Variants in TBCK observed in about 807,000 individuals in gnomAD.
The protein encoded by TBCK is TBC domain-containing protein kinase-like protein.
Under a neutral mutation model 113.4 loss-of-function variants are expected in TBCK, and 99 were observed. The ratio of observed to expected loss-of-function variants is 0.87; its 90% CI spans 0.74 to 1.03. TBCK has a LOEUF of 1.03. TBCK is among the 50% of genes least tolerant of loss of function. The probability of loss-of-function intolerance (pLI) is 0.00; values close to 1 mark genes in which losing one functional copy is unlikely to be tolerated. For synonymous variants in TBCK, 369 were observed against 370.8 expected (o/e 1.00, Z 0.05); for missense variants, 1,045 against 1,061.3 (o/e 0.98, Z 0.21).
At chr4:106,238,567 C>G (rs541168281) in intron 12 of TBCK, 8 of 152,146 alleles carry the variant, frequency 5.3e-5, no homozygotes, top group African/African-American at 1.9e-4. Context: ...AGGGGAATTG[C>G]TGGCTTAGAC....
In TBCK at chr4:106,314,081, TA is replaced by T. The variant is rs533266166; in HGVS notation, c.-30+1849del. ...TAAAGCCATAATACTGTAAACATTT[TA>T]TTTTTTTTATTGGTTTTTGGCACGT... On this transcript the variant is annotated intron_variant, in intron 1 of 25. Coordinates refer to ENST00000394708, the MANE Select transcript of TBCK (RefSeq NM_001163435.3). Among the ~76,000 whole-genome samples the T allele has an allele frequency of 4.5e-4, 69 of 152,288 alleles. No homozygotes were observed. The South Asian group carries it at 0.013, about 28-fold the overall frequency.
At chr4:106,218,293 C>T (rs1406887150) in intron 19 of TBCK, among the ~76,000 whole-genome samples, 3 of 150,910 alleles carry the variant, frequency 2.0e-5, no homozygotes, top group Non-Finnish European at 3.0e-5. Flanking sequence ...CAATACCATT[C>T]AGGACATACG....
In TBCK at chr4:106,314,753, T is replaced by C. The variant is rs1468369463; in HGVS notation, c.-30+1178A>G. On this transcript the variant is annotated intron_variant, in intron 1 of 25. Transcript: ENST00000394708. Reference sequence around the variant, plus strand: ...CGATTCTGTGCCTCAGCCTCCAGAGTGGCTGGGATTACAGGCGCCCGCCAC... The same window carrying C: ...CGATTCTGTGCCTCAGCCTCCAGAGCGGCTGGGATTACAGGCGCCCGCCAC... Among the ~76,000 whole-genome samples, 3 of 149,900 alleles carry C rather than the reference T, an allele frequency of 2.0e-5. No homozygotes were observed. The Admixed American group carries it at 2.0e-4, about 10-fold the overall frequency.
chr4:106,184,175 T>A (rs1176511138), intron 22 of TBCK, among the ~76,000 whole-genome samples: 1 of 152,040 alleles, frequency 6.6e-6, no homozygotes. Flanking sequence ...CTTCTAAATC[T>A]AGCTGCCCCG....
intron 19 of TBCK, among the ~76,000 whole-genome samples, chr4:106,228,254 C>A (rs901768088): frequency 6.6e-6 from 1 of 151,654 alleles, no homozygotes; most frequent in African/African-American, 2.4e-5. Context: ...TATATACTTA[C>A]TTATTTTAAA....
At chr4:106,186,902 G>T (rs1439494541) in intron 22 of TBCK, among the ~76,000 whole-genome samples, 1 of 152,046 alleles carries the variant, frequency 6.6e-6, no homozygotes, top group African/African-American at 2.4e-5. Context: ...TCCCTCTCGA[G>T]TTAATCTTCA....
intron 12 of TBCK, 61 bp from the exon 13 acceptor site, chr4:106,236,869 G>T: frequency 1.1e-6 from 1 of 943,006 alleles, no homozygotes; most frequent in African/African-American, 1.7e-5. Flanking sequence ...CCTGATCTGT[G>T]TTTAAAAAGA....
At chr4:106,052,095 T>G (rs768782002) in intron 25 of TBCK, among the ~76,000 whole-genome samples, 3 of 151,888 alleles carry the variant, frequency 2.0e-5, no homozygotes, top group Non-Finnish European at 4.4e-5. Flanking sequence ...TTTAACTCAT[T>G]GAAGTTTATT....
rs1047969806 is a variant in TBCK at position 106,236,757 on chromosome 4, A to C, written c.1220+2T>G. 1.4e-6 allele frequency: 2 copies of C among 1,481,106 alleles called. No individual in the cohort carries two copies. The highest frequency in any genetic ancestry group is 1.8e-6 in the Non-Finnish European group (2 of 1,104,590). 91.7% of individuals were successfully genotyped at this position (1,481,106 alleles called of 1,614,324 possible). A position where few individuals can be genotyped will look rare whatever the true frequency, so the allele number is the denominator to read the frequency against. ...ATCTAAAATGAGACTACATATACTC[A>C]CTCATCTTCAAGTAATGGGTAAAAT... On this transcript the variant is annotated splice_donor_variant, in intron 13 of 25. Transcript: ENST00000394708. LOFTEE classifies it high-confidence loss of function.
chr4:106,147,184 T>C (rs1747898976), intron 23 of TBCK, among the ~76,000 whole-genome samples: 1 of 152,328 alleles, frequency 6.6e-6, no homozygotes, highest in East Asian at 1.9e-4. Flanking sequence ...TGGAATCAAC[T>C]TCTTACAAAC....
intron 22 of TBCK, among the ~76,000 whole-genome samples, chr4:106,189,252 C>T (rs1403847178): frequency 6.7e-6 from 1 of 148,898 alleles, no homozygotes; most frequent in Non-Finnish European, 1.5e-5. Context: ...TGTCCTTTTG[C>T]AATTCCAAGG....
intron 23 of TBCK, among the ~76,000 whole-genome samples, chr4:106,125,252 A>C (rs541338532): frequency 6.6e-6 from 1 of 152,202 alleles, no homozygotes; most frequent in Admixed American, 6.5e-5. Context: ...GGAAATGAGG[A>C]TATCGAAGAA....
chr4:106,085,358 T>C (rs190877608), intron 25 of TBCK, among the ~76,000 whole-genome samples: 12 of 152,060 alleles, frequency 7.9e-5, no homozygotes, highest in Non-Finnish European at 1.3e-4. Context: ...ACAAAGATCA[T>C]AAAAGACAAA....
At chr4:106,179,490 A>C (rs370324881) in intron 22 of TBCK, among the ~76,000 whole-genome samples, 1 of 151,992 alleles carries the variant, frequency 6.6e-6, no homozygotes, top group African/African-American at 2.4e-5. Flanking sequence ...TTTCCTTTAT[A>C]ATTTCTTCAT....
At chr4:106,296,707 C>T (rs1766346111) in intron 2 of TBCK, among the ~76,000 whole-genome samples, 1 of 151,678 alleles carries the variant, frequency 6.6e-6, no homozygotes, top group African/African-American at 2.4e-5. Context: ...TTATCATTTT[C>T]AGATAAAAGA....
chr4:106,258,972 C>A (rs1350356981), intron 5 of TBCK, among the ~76,000 whole-genome samples: 1 of 151,828 alleles, frequency 6.6e-6, no homozygotes, highest in African/African-American at 2.4e-5. Context: ...TTTCAATACA[C>A]AAAACTGTAA....
chr4:106,236,512 T>C lies in TBCK; in HGVS notation c.1228A>G (p.Asn410Asp). ...FYPLLEDDQSNLPHSNSNNEL... is the reference protein window; with the variant it reads ...FYPLLEDDQSDLPHSNSNNEL... ...TTATTGCTGTTTGAATGAGGTAAAT[T>C]AGACTGGCTGTAAAAGAGAACAAAA... is the stretch of plus-strand genomic sequence containing the variant. Residue 410 changes from asparagine (N) to aspartate (D), a missense_variant, in exon 14 of 26, where the codon AAT (asparagine) becomes GAT (aspartate). By Grantham distance (23) the Asn-to-Asp change is conservative. Coordinates refer to ENST00000394708, the MANE Select transcript of TBCK (RefSeq NM_001163435.3). 2 of 1,533,220 alleles carry C rather than the reference T, an allele frequency of 1.3e-6. No individual in the cohort carries two copies. Among genetic ancestry groups the C allele is most frequent in the Non-Finnish European group, 1.8e-6 (2 of 1,142,836 alleles). The allele number at this position is 1,533,220 out of a possible 1,614,324, so 95.0% of individuals were successfully genotyped here. A position where few individuals can be genotyped will look rare whatever the true frequency, so the allele number is the denominator to read the frequency against.
intron 25 of TBCK, among the ~76,000 whole-genome samples, chr4:106,067,308 C>A (rs972618942): frequency 4.6e-5 from 7 of 152,016 alleles, no homozygotes; most frequent in African/African-American, 1.4e-4. Context: ...AAGTCTTTTG[C>A]CCATTTCTTA....
intron 23 of TBCK, among the ~76,000 whole-genome samples, chr4:106,125,500 C>T (rs1206894004): frequency 1.3e-5 from 2 of 151,932 alleles, no homozygotes; most frequent in African/African-American, 4.8e-5. Context: ...AACTCCATCT[C>T]AAAAATAAAT....
Sources: gnomAD v4.1 joint callset for allele counts (sites outside exome capture counted in the v4.1 genomes callset) on GRCh38, gnomAD v4.1.1 for gene constraint, MANE v1.5 for transcripts, NCBI Gene and HGNC (gene_info 2026-07-23, HGNC 2026-07-21) for gene names.